The following PTPN4 variants were observed in gnomAD, a reference collection of about 807,000 sequenced individuals.
The protein encoded by PTPN4 is tyrosine-protein phosphatase non-receptor type 4.
Under a neutral mutation model 135.5 loss-of-function variants are expected in PTPN4, and 49 were observed. The ratio of observed to expected loss-of-function variants is 0.36; its 90% CI spans 0.29 to 0.46. The LOEUF is 0.46. Ranked by LOEUF, PTPN4 falls within the 20% of genes least tolerant of loss-of-function variation. The probability of loss-of-function intolerance (pLI) is 1.00; values close to 1 mark genes in which losing one functional copy is unlikely to be tolerated. For missense variants in PTPN4, 860 were observed against 1,101.0 expected (o/e 0.78, Z 3.10); for synonymous variants, 333 against 369.9 (o/e 0.90, Z 1.14).
At chr2:119,798,954 TATC>T (rs1558729267) in intron 1 of PTPN4, among the ~76,000 whole-genome samples, 4 of 152,208 alleles carry the variant, frequency 2.6e-5, no homozygotes, top group African/African-American at 9.6e-5. Context: ...ACTGTTGATA[TATC>T]GTTATGATTG....
Position 119,915,174 on chromosome 2 carries a change from TC to T in PTPN4, c.765-3del. On this transcript the variant is annotated splice_region_variant and splice_polypyrimidine_tract_variant and intron_variant, in intron 10 of 26. Coordinates refer to ENST00000263708, the MANE Select transcript of PTPN4 (RefSeq NM_002830.4). Reference sequence around the variant, plus strand: ...ACTTTGAATAATTTATTGTCTTTTGTCCAGGTTGAAGATTGTAAAAATTTCT... The same window carrying T: ...ACTTTGAATAATTTATTGTCTTTTGTCAGGTTGAAGATTGTAAAAATTTCT... 6.5e-7 allele frequency: 1 copy of T among 1,527,280 alleles called. No homozygotes were observed. Among genetic ancestry groups the T allele is most frequent in the Non-Finnish European group, 8.8e-7 (1 of 1,138,750 alleles). 94.6% of individuals were successfully genotyped at this position (1,527,280 alleles called of 1,614,324 possible).
Position 119,902,147 on chromosome 2 carries a change from A to G in PTPN4, c.764+1341A>G, listed in dbSNP as rs115534627. Among the ~76,000 whole-genome samples, 1,286 of 152,362 alleles carry G rather than the reference A, an allele frequency of 8.4e-3. 19 individuals are homozygous for G. The highest frequency in any genetic ancestry group is 0.027 in the African/African-American group (1,127 of 41,576). ...TTACACACTATCATAGTCATGCTGCAGATAATCAGAAAATCTTTTAAAAAG... is the reference window on the plus strand; with the variant it reads ...TTACACACTATCATAGTCATGCTGCGGATAATCAGAAAATCTTTTAAAAAG... On this transcript the variant is annotated intron_variant, in intron 10 of 26. Coordinates refer to ENST00000263708, the MANE Select transcript of PTPN4 (RefSeq NM_002830.4).
intron 2 of PTPN4, among the ~76,000 whole-genome samples, chr2:119,818,929 A>C (rs1052462215): frequency 4.6e-5 from 7 of 152,164 alleles, no homozygotes; most frequent in Non-Finnish European, 8.8e-5. Context: ...ACAACCTCTG[A>C]AATCTCTGTT....
chr2:119,921,007 G>A (rs942555084), intron 12 of PTPN4, among the ~76,000 whole-genome samples: 1 of 152,084 alleles, frequency 6.6e-6, no homozygotes, highest in Non-Finnish European at 1.5e-5. Context: ...TTGGCCAGTC[G>A]CAATGGCTCA....
chr2:119,947,634 C>G (rs1437520185), intron 18 of PTPN4, among the ~76,000 whole-genome samples: 1 of 151,860 alleles, frequency 6.6e-6, no homozygotes, highest in South Asian at 2.1e-4. Context: ...TTGTTTGATT[C>G]CTCTCAGTGT....
At chr2:119,834,003 C>T (rs1677256124) in intron 2 of PTPN4, among the ~76,000 whole-genome samples, 1 of 152,046 alleles carries the variant, frequency 6.6e-6, no homozygotes, top group African/African-American at 2.4e-5. Flanking sequence ...GTTATTTTTC[C>T]CCTCTCTTTT....
At chr2:119,876,754 T>C (rs562745338) in intron 3 of PTPN4, among the ~76,000 whole-genome samples, 1 of 152,274 alleles carries the variant, frequency 6.6e-6, no homozygotes, top group Admixed American at 6.5e-5. Context: ...CTAAACATTA[T>C]ATCTTTAAAA....
intron 24 of PTPN4, among the ~76,000 whole-genome samples, chr2:119,963,022 GAAC>G (rs944877059): frequency 6.6e-6 from 1 of 152,000 alleles, no homozygotes; most frequent in Non-Finnish European, 1.5e-5. Context: ...TGCTTATTCA[GAAC>G]AACTGTTTAG....
intron 9 of PTPN4, among the ~76,000 whole-genome samples, chr2:119,888,810 T>A (rs938690530): frequency 6.6e-6 from 1 of 152,164 alleles, no homozygotes; most frequent in Non-Finnish European, 1.5e-5. Flanking sequence ...TTTTTGCATC[T>A]TTGTCTGGTT....
rs757271269 is a variant in PTPN4 at position 119,885,840 on chromosome 2, A to T, written c.633A>T (p.Ala211=). 13 of 1,606,238 alleles carry T rather than the reference A, an allele frequency of 8.1e-6. 1 individual carries two copies. In the South Asian group the frequency reaches 1.5e-4, roughly 18 times the overall value. Residue 211 remains alanine, a synonymous_variant, in exon 9 of 27, where the codon GCA becomes GCT. Transcript: ENST00000263708. ...CAGAATTTAATTACCTAAACACAGC[A>T]CGTACCTTAGAACTCTATGGAGTTG... is the stretch of plus-strand genomic sequence containing the variant. The part of the protein sequence containing the change: ...AEAEFNYLNT[A]RTLELYGVEF...
intron 2 of PTPN4, among the ~76,000 whole-genome samples, chr2:119,834,260 G>T (rs1294667556): frequency 1.3e-5 from 2 of 152,002 alleles, no homozygotes; most frequent in Non-Finnish European, 2.9e-5. Context: ...AGGAACATTA[G>T]TATTTCTTCC....
intron 1 of PTPN4, among the ~76,000 whole-genome samples, chr2:119,763,349 CAAG>C (rs1253004552): frequency 1.3e-5 from 2 of 151,984 alleles, no homozygotes; most frequent in African/African-American, 4.8e-5. Flanking sequence ...TATTTTTTAA[CAAG>C]GAGGTTATAT....
chr2:119,909,047 G>C (rs1344770879), intron 10 of PTPN4, among the ~76,000 whole-genome samples: 1 of 152,118 alleles, frequency 6.6e-6, no homozygotes, highest in African/African-American at 2.4e-5. Flanking sequence ...AGTGCAGGTT[G>C]GTTCATGAGG....
rs949582838 is a variant in PTPN4, at chr2:119,976,400, A to G, written c.2695-584A>G. Among the ~76,000 whole-genome samples the G allele has an allele frequency of 2.0e-5, 3 of 152,106 alleles. 1 individual carries two copies. The highest frequency in any genetic ancestry group is 4.4e-5 in the Non-Finnish European group (3 of 68,012). On this transcript the variant is annotated intron_variant, in intron 26 of 26. Coordinates refer to ENST00000263708, the MANE Select transcript of PTPN4 (RefSeq NM_002830.4). Reference sequence around the variant, plus strand: ...CTTCCCTTTCTTTTATAAAGGTAATATAATATATTATACGTACTTTACCTA... The same window carrying G: ...CTTCCCTTTCTTTTATAAAGGTAATGTAATATATTATACGTACTTTACCTA...
At chr2:119,903,178 T>A (rs1678432169) in intron 10 of PTPN4, among the ~76,000 whole-genome samples, 1 of 152,100 alleles carries the variant, frequency 6.6e-6, no homozygotes, top group Non-Finnish European at 1.5e-5. Flanking sequence ...AAGCATGTGC[T>A]CACCACAGCC....
At chr2:119,961,880 T>C (rs1199520979) in intron 23 of PTPN4, among the ~76,000 whole-genome samples, 1 of 151,978 alleles carries the variant, frequency 6.6e-6, no homozygotes, top group African/African-American at 2.4e-5. Flanking sequence ...AGATCTGGGG[T>C]AAGGATGGGG....
intron 1 of PTPN4, among the ~76,000 whole-genome samples, chr2:119,768,950 T>C (rs920548303): frequency 6.6e-6 from 1 of 152,256 alleles, no homozygotes; most frequent in African/African-American, 2.4e-5. Context: ...CAGATTCGTC[T>C]GATACTGAAG....
chr2:119,847,328 A>ATATATATATATTT (rs1257711116), intron 2 of PTPN4, among the ~76,000 whole-genome samples: 2 of 102,752 alleles, frequency 1.9e-5, no homozygotes, highest in Non-Finnish European at 1.9e-5. Context: ...ATATATATAT[A>ATATATATATATTT]TTTTTTTTTT....
chr2:119,948,747 A>G (rs1679170641), intron 18 of PTPN4, among the ~76,000 whole-genome samples: 1 of 152,194 alleles, frequency 6.6e-6, no homozygotes, highest in African/African-American at 2.4e-5. Flanking sequence ...ATGTAACTAT[A>G]TAAATATGGA....
Sources: allele counts gnomAD v4.1 joint callset (sites outside exome capture counted in the v4.1 genomes callset), GRCh38; gene constraint gnomAD v4.1.1; transcripts MANE v1.5; gene names NCBI Gene and HGNC (gene_info 2026-07-23, HGNC 2026-07-21).